Variants in GNAI1 observed in about 807,000 individuals in gnomAD.
GNAI1 encodes G protein subunit alpha i1, also known as guanine nucleotide-binding protein G(i) subunit alpha-1.
Under a neutral mutation model 38.9 loss-of-function variants are expected in GNAI1, and 11 were observed. That is an observed-to-expected ratio of 0.28 (90% CI 0.18 to 0.47). The LOEUF is 0.47. Ranked by LOEUF, GNAI1 falls within the 20% of genes least tolerant of loss-of-function variation. The pLI, the probability that GNAI1 is intolerant of heterozygous loss-of-function variation, is 0.99. For synonymous variants in GNAI1, 166 were observed against 145.1 expected, an observed-to-expected ratio of 1.14 and a Z score of -1.04; for missense variants, 317 against 436.9, an observed-to-expected ratio of 0.73 and a Z score of 2.45.
At chr7:80,215,577 G>T (rs1316631516) in intron 7 of GNAI1, among the ~76,000 whole-genome samples, 1 of 152,070 alleles carries the variant, frequency 6.6e-6, no homozygotes, top group African/African-American at 2.4e-5. Flanking sequence ...ATTCCTATGG[G>T]CATTTGTCAC....
intron 1 of GNAI1, among the ~76,000 whole-genome samples, chr7:80,167,064 G>A (rs1466520349): frequency 6.6e-6 from 1 of 152,182 alleles, no homozygotes; most frequent in Non-Finnish European, 1.5e-5. Context: ...TCCTGGTAGT[G>A]TTTAAGAAGC....
chr7:80,162,041 G>A (rs1032517855), intron 1 of GNAI1, among the ~76,000 whole-genome samples: 1 of 152,114 alleles, frequency 6.6e-6, no homozygotes, highest in Admixed American at 6.6e-5. Context: ...ACAGTGTGAT[G>A]GCATTTGGAG....
At position 80,218,419 on chromosome 7, in the gene GNAI1, G is replaced by T. The variant is rs1364185272; in HGVS notation, c.*926G>T. ...TTTTGTTTATAACTAAGTTTGGAGG[G>T]ATCCTAAGAGCATTTTTGTGGGTAA... On this transcript the variant is annotated 3_prime_UTR_variant, in exon 8 of 8. Transcript: ENST00000649796. 4 of 151,788 alleles carry T rather than the reference G, an allele frequency of 2.6e-5. No homozygotes were observed. The highest frequency in any genetic ancestry group is 9.7e-5 in the African/African-American group (4 of 41,334). 9.4% of individuals were successfully genotyped at this position (151,788 alleles called of 1,614,324 possible).
At chr7:80,177,970 A>G (rs955281027) in intron 1 of GNAI1, among the ~76,000 whole-genome samples, 26 of 152,374 alleles carry the variant, frequency 1.7e-4, no homozygotes, top group Middle Eastern at 3.4e-3. Flanking sequence ...TCTAGATGCC[A>G]TGAAAAACAT....
intron 1 of GNAI1, among the ~76,000 whole-genome samples, chr7:80,168,133 A>C (rs569557318): frequency 6.6e-6 from 1 of 152,130 alleles, no homozygotes; most frequent in Admixed American, 6.6e-5. Context: ...GAGAACTTCA[A>C]CTTGCAACTT....
chr7:80,192,501 T>C (rs1253251763), intron 3 of GNAI1, among the ~76,000 whole-genome samples: 1 of 152,202 alleles, frequency 6.6e-6, no homozygotes, highest in Non-Finnish European at 1.5e-5. Context: ...ATGTGTTCTT[T>C]TTCCCCACAT....
At chr7:80,149,033 G>A (rs1204051054) in intron 1 of GNAI1, among the ~76,000 whole-genome samples, 1 of 152,038 alleles carries the variant, frequency 6.6e-6, no homozygotes, top group Non-Finnish European at 1.5e-5. Flanking sequence ...ACTTTCAAAT[G>A]CTGCTTCTCT....
At position 80,199,185 on chromosome 7, in the gene GNAI1, G is replaced by T. The variant is rs369488673; in HGVS notation, c.304-40G>T. ...CTCCTTTGTACTTTTTATCTCTGAC[G>T]TATCCCTTTTTACTTAAAAAATGTC... On this transcript the variant is annotated intron_variant, in intron 3 of 7. Coordinates refer to ENST00000649796, the MANE Select transcript of GNAI1 (RefSeq NM_002069.6). 22 of 1,427,858 alleles carry T rather than the reference G, an allele frequency of 1.5e-5. No individual in the cohort carries two copies. In the South Asian group the frequency reaches 2.6e-4, roughly 17 times the overall value. The allele number at this position is 1,427,858 out of a possible 1,614,324, so 88.4% of individuals were successfully genotyped here.
chr7:80,164,039 C>CTTT lies in GNAI1; in HGVS notation c.119-24893_119-24891dup, dbSNP rs35826632. 4.0e-4 allele frequency among the ~76,000 whole-genome samples: 25 copies of CTTT among 62,948 alleles called. 2 individuals are homozygous for CTTT. Among genetic ancestry groups the CTTT allele is most frequent in the African/African-American group, 1.3e-3 (20 of 15,544 alleles). 41.3% of individuals were successfully genotyped at this position (62,948 alleles called of 152,430 possible). ...GGCTTCTTTGTCAAACTGGTGCTTT[C>CTTT]TTTTTTTTTTTTTTTTTTTTTGTGG... On this transcript the variant is annotated intron_variant, in intron 1 of 7. Transcript: ENST00000649796.
chr7:80,138,981 C>G (rs1787474951), intron 1 of GNAI1, among the ~76,000 whole-genome samples: 1 of 152,102 alleles, frequency 6.6e-6, no homozygotes, highest in South Asian at 2.1e-4. Flanking sequence ...TGTGACTTCC[C>G]CTAGTTGAGA....
chr7:80,191,286 G>A (rs982654217), intron 3 of GNAI1, among the ~76,000 whole-genome samples: 5 of 152,082 alleles, frequency 3.3e-5, no homozygotes, highest in Admixed American at 2.6e-4. Context: ...GCCTGGACAC[G>A]AGGAAGGGGC....
intron 1 of GNAI1, among the ~76,000 whole-genome samples, chr7:80,165,674 TTATTTC>T (rs777141534): frequency 6.6e-6 from 1 of 152,174 alleles, no homozygotes; most frequent in Non-Finnish European, 1.5e-5. Flanking sequence ...TTCAAGCACT[TTATTTC>T]TAGTTCTTTT....
At chr7:80,181,040 C>T (rs140561114) in intron 1 of GNAI1, among the ~76,000 whole-genome samples, 2 of 151,936 alleles carry the variant, frequency 1.3e-5, no homozygotes, top group African/African-American at 4.8e-5. Flanking sequence ...AAGGGAAAGA[C>T]CAGCTCATTC....
intron 1 of GNAI1, among the ~76,000 whole-genome samples, chr7:80,167,815 G>A (rs1788037374): frequency 6.6e-6 from 1 of 152,194 alleles, no homozygotes; most frequent in Non-Finnish European, 1.5e-5. Context: ...CTTTTATGCA[G>A]TAGTTGCATT....
At chr7:80,203,670 C>T (rs561599688) in intron 4 of GNAI1, 34 bp from the exon 5 acceptor site, 1 of 1,404,578 alleles carries the variant, frequency 7.1e-7, no homozygotes, top group African/African-American at 1.4e-5. Flanking sequence ...GCTATATTTA[C>T]CATTAACATG....
At chr7:80,164,390 T>G (rs1329266428) in intron 1 of GNAI1, among the ~76,000 whole-genome samples, 1 of 148,616 alleles carries the variant, frequency 6.7e-6, no homozygotes. Context: ...TGAGACGGAG[T>G]CTTGCTCTGT....
chr7:80,192,362 C>G (rs959838447), intron 3 of GNAI1, among the ~76,000 whole-genome samples: 6 of 152,040 alleles, frequency 3.9e-5, no homozygotes, highest in Non-Finnish European at 8.8e-5. Flanking sequence ...TTTATAATAT[C>G]TTTTGCCTAA....
intron 1 of GNAI1, among the ~76,000 whole-genome samples, chr7:80,152,376 A>G (rs1167038433): frequency 1.3e-5 from 2 of 152,188 alleles, no homozygotes; most frequent in Non-Finnish European, 2.9e-5. Context: ...TTATGTTGCA[A>G]GAATTAATAA....
intron 1 of GNAI1, among the ~76,000 whole-genome samples, chr7:80,179,742 G>A (rs1788257754): frequency 6.6e-6 from 1 of 152,140 alleles, no homozygotes; most frequent in Non-Finnish European, 1.5e-5. Context: ...TTATGCCAGA[G>A]AATCAGCACT....
Sources: allele counts gnomAD v4.1 joint callset (sites outside exome capture counted in the v4.1 genomes callset), GRCh38; gene constraint gnomAD v4.1.1; transcripts MANE v1.5; gene names NCBI Gene and HGNC (gene_info 2026-07-23, HGNC 2026-07-21).